The following MICAL3 variants were observed in gnomAD, a reference collection of about 807,000 sequenced individuals.
The protein encoded by MICAL3 is [F-actin]-monooxygenase MICAL3.
In MICAL3, 62 loss-of-function variants were observed where a neutral mutation model predicts 207.4. The observed-to-expected ratio is 0.30, with a 90% CI of 0.24 to 0.37. The LOEUF is 0.37. MICAL3 is among the 10% of genes least tolerant of loss of function. The pLI, the probability that MICAL3 is intolerant of heterozygous loss-of-function variation, is 1.00. For synonymous variants in MICAL3, 1,077 were observed against 1,069.3 expected (o/e 1.01, Z -0.14); for missense variants, 2,368 against 2,635.6 (o/e 0.90, Z 2.22).
At chr22:17,967,494 CCACA>C (rs538557642) in intron 1 of MICAL3, among the ~76,000 whole-genome samples, 1 of 84,408 alleles carries the variant, frequency 1.2e-5, no homozygotes, top group African/African-American at 4.0e-5. Flanking sequence ...ACACACACAC[CCACA>C]CACACCCACT....
At chr22:17,804,589 A>G (rs1252603611) in intron 29 of MICAL3, among the ~76,000 whole-genome samples, 1 of 152,190 alleles carries the variant, frequency 6.6e-6, no homozygotes, top group Non-Finnish European at 1.5e-5. Flanking sequence ...GTAGTTCCAC[A>G]GCTGTCTGGC....
At chr22:17,888,368 T>C (rs1930109473) in intron 13 of MICAL3, among the ~76,000 whole-genome samples, 1 of 152,186 alleles carries the variant, frequency 6.6e-6, no homozygotes, top group African/African-American at 2.4e-5. Flanking sequence ...TGTAGCACTA[T>C]GAGAGCCTGA....
At chr22:17,901,122 A>G in intron 5 of MICAL3, 125 bp from the exon 6 acceptor site, 1 of 851,364 alleles carries the variant, frequency 1.2e-6, no homozygotes, top group East Asian at 2.4e-5. Flanking sequence ...TGGGAAAGTT[A>G]GGGCAGCTCT....
chr22:17,949,599 G>T (rs1312912399), intron 1 of MICAL3, among the ~76,000 whole-genome samples: 1 of 152,106 alleles, frequency 6.6e-6, no homozygotes, highest in Non-Finnish European at 1.5e-5. Context: ...TTTTATAAGC[G>T]TGCATGCCAC....
intron 1 of MICAL3, among the ~76,000 whole-genome samples, chr22:17,945,350 G>A (rs1330465334): frequency 2.0e-5 from 3 of 152,174 alleles, no homozygotes; most frequent in Admixed American, 6.5e-5. Flanking sequence ...GGCACCTTGG[G>A]CGCTGGCCCA....
chr22:17,997,666 T>C (rs189581110), intron 1 of MICAL3, among the ~76,000 whole-genome samples: 9 of 152,244 alleles, frequency 5.9e-5, no homozygotes, highest in East Asian at 5.8e-4. Flanking sequence ...AAGCCCAGGA[T>C]TGAACCCAGC....
rs924946304 is a variant in MICAL3 at position 17,816,914 on chromosome 22, A to G, written c.5351-130T>C. On this transcript the variant is annotated intron_variant, in intron 26 of 31. Coordinates refer to ENST00000441493, the MANE Select transcript of MICAL3 (RefSeq NM_015241.3). ...GGATTCATTTTAGTTTAAGGGATCC[A>G]TCCCCCATCCTGGGGAGCCAGGAGC... 10 of 723,172 alleles carry G rather than the reference A, an allele frequency of 1.4e-5. No homozygotes were observed. The African/African-American group carries it at 1.8e-4, about 13-fold the overall frequency. 44.8% of individuals were successfully genotyped at this position (723,172 alleles called of 1,614,324 possible). A position where few individuals can be genotyped will look rare whatever the true frequency, so the allele number is the denominator to read the frequency against.
At chr22:17,823,905 C>T (rs926608002) in intron 22 of MICAL3, among the ~76,000 whole-genome samples, 1 of 152,206 alleles carries the variant, frequency 6.6e-6, no homozygotes, top group Non-Finnish European at 1.5e-5. Context: ...GCGCTGTGTG[C>T]AGGGGCACCA....
intron 1 of MICAL3, among the ~76,000 whole-genome samples, chr22:17,967,509 C>T (rs1935205388): frequency 6.6e-6 from 1 of 151,392 alleles, no homozygotes; most frequent in Non-Finnish European, 1.5e-5. Flanking sequence ...CACACCCACT[C>T]ATGCCTACAG....
chr22:17,867,688 A>G (rs1216942161), intron 17 of MICAL3, among the ~76,000 whole-genome samples: 2 of 152,068 alleles, frequency 1.3e-5, no homozygotes, highest in Non-Finnish European at 2.9e-5. Context: ...GGCTCGCTGG[A>G]GACGTTATGG....
intron 1 of MICAL3, chr22:18,006,280 A>G (rs1923378751): frequency 6.6e-6 from 1 of 152,174 alleles, no homozygotes; most frequent in African/African-American, 2.4e-5. Flanking sequence ...AATCTGCCTG[A>G]GAACCTCAGA....
intron 1 of MICAL3, among the ~76,000 whole-genome samples, chr22:17,970,220 C>T (rs1374075993): frequency 6.6e-6 from 1 of 152,266 alleles, no homozygotes; most frequent in Non-Finnish European, 1.5e-5. Flanking sequence ...TTCCCCTCCA[C>T]TGTCCCCCGC....
rs551012110 is a variant in MICAL3 at position 17,906,560 on chromosome 22, T to C, written c.253A>G (p.Thr85Ala). Residue 85 changes from threonine to alanine, a missense_variant, in exon 2 of 32, where the codon ACT becomes GCT. Transcript: ENST00000441493. ...HKDYKKGKAC[T>A]NTKCLIIGAG... Reference sequence around the variant, plus strand: ...GGAGCAAAGCTTACCTTGGTGTTAGTGCACGCTTTTCCCTTTTTGTAGTCT... The same window carrying C: ...GGAGCAAAGCTTACCTTGGTGTTAGCGCACGCTTTTCCCTTTTTGTAGTCT... The C allele has an allele frequency of 1.1e-5, 17 of 1,611,746 alleles. No individual in the cohort carries two copies. In the Admixed American group the frequency reaches 1.3e-4, roughly 13 times the overall value.
chr22:17,971,257 CA>C (rs899683942), intron 1 of MICAL3, among the ~76,000 whole-genome samples: 4 of 152,140 alleles, frequency 2.6e-5, no homozygotes, highest in Non-Finnish European at 5.9e-5. Flanking sequence ...CACTTGAGGT[CA>C]GGAGTTTGAG....
At chr22:17,955,894 A>G (rs1934590581) in intron 1 of MICAL3, among the ~76,000 whole-genome samples, 1 of 152,212 alleles carries the variant, frequency 6.6e-6, no homozygotes, top group East Asian at 1.9e-4. Context: ...ACTCAGCTGC[A>G]TGTTTGCTCC....
chr22:17,959,554 A>T (rs1200843644), intron 1 of MICAL3, among the ~76,000 whole-genome samples: 1 of 152,160 alleles, frequency 6.6e-6, no homozygotes, highest in Non-Finnish European at 1.5e-5. Context: ...ACCTCAGGTG[A>T]TCTGCCTGCC....
chr22:17,923,417 A>G (rs1263771949), intron 1 of MICAL3, among the ~76,000 whole-genome samples: 1 of 152,098 alleles, frequency 6.6e-6, no homozygotes, highest in Non-Finnish European at 1.5e-5. Flanking sequence ...TTTTTTTTCT[A>G]CAGAAGACTT....
At chr22:17,972,538 C>T (rs555704747) in intron 1 of MICAL3, among the ~76,000 whole-genome samples, 1 of 152,180 alleles carries the variant, frequency 6.6e-6, no homozygotes, top group Non-Finnish European at 1.5e-5. Flanking sequence ...GCCTACAACA[C>T]ACAACAGCCC....
At chr22:17,918,154 G>C (rs73388429) in intron 1 of MICAL3, among the ~76,000 whole-genome samples, 1 of 152,060 alleles carries the variant, frequency 6.6e-6, no homozygotes, top group African/African-American at 2.4e-5. Context: ...TAAACGTGTC[G>C]TAAACATTTT....
Sources: gnomAD v4.1 joint callset for allele counts (sites outside exome capture counted in the v4.1 genomes callset) on GRCh38, gnomAD v4.1.1 for gene constraint, MANE v1.5 for transcripts, NCBI Gene and HGNC (gene_info 2026-07-23, HGNC 2026-07-21) for gene names.